Variants in HSPBAP1 observed in about 807,000 individuals in gnomAD.
HSPBAP1 encodes the protein HSPB1-associated protein 1.
A neutral mutation model predicts 45.2 loss-of-function variants in HSPBAP1; 27 were observed. The ratio of observed to expected loss-of-function variants is 0.60; its 90% CI spans 0.44 to 0.82. HSPBAP1 has a LOEUF of 0.82. Ranked by LOEUF, HSPBAP1 falls within the 40% of genes least tolerant of loss-of-function variation. The pLI, the probability that HSPBAP1 is intolerant of heterozygous loss-of-function variation, is 0.00. For synonymous variants in HSPBAP1, 204 were observed against 202.7 expected, an observed-to-expected ratio of 1.01 and a Z score of -0.06; for missense variants, 510 against 590.9, an observed-to-expected ratio of 0.86 and a Z score of 1.42.
At position 122,759,261 on chromosome 3, in the gene HSPBAP1, A is replaced by C. The variant is rs1383363960; in HGVS notation, c.532T>G (p.Ser178Ala). 6.2e-7 allele frequency: 1 copy of C among 1,613,660 alleles called. No homozygotes were observed. Among genetic ancestry groups the C allele is most frequent in the African/African-American group, 1.3e-5 (1 of 74,876 alleles). Residue 178 changes from serine (S) to alanine (A), a missense_variant, in exon 4 of 8, where the codon TCC (serine) becomes GCC (alanine). Transcript: ENST00000306103. Reference protein sequence around the residue: ...LGAHTPCHLDSYGCNLVFQVQ... With the variant: ...LGAHTPCHLDAYGCNLVFQVQ... ...TGGAATACCAAGTTACAACCATAGG[A>C]GTCCAGATGACAGGGTGTGTGGGCT...
In HSPBAP1 at chr3:122,773,108, C is replaced by T. The variant is rs569616820; in HGVS notation, c.251-4226G>A. 3.4e-4 allele frequency among the ~76,000 whole-genome samples: 52 copies of T among 152,068 alleles called. 1 individual carries two copies. The South Asian group carries it at 0.011, about 32-fold the overall frequency. ...TCAAGTGATGCTTCTGTCTAGGCCTCCTACAGTGCTGGGATTTTAGGTGTG... is the reference window on the plus strand; with the variant it reads ...TCAAGTGATGCTTCTGTCTAGGCCTTCTACAGTGCTGGGATTTTAGGTGTG... On this transcript the variant is annotated intron_variant, in intron 2 of 7. Coordinates refer to ENST00000306103, the MANE Select transcript of HSPBAP1 (RefSeq NM_024610.6).
At chr3:122,775,913 A>G (rs919654820) in intron 2 of HSPBAP1, among the ~76,000 whole-genome samples, 3 of 152,256 alleles carry the variant, frequency 2.0e-5, no homozygotes, top group African/African-American at 7.2e-5. Flanking sequence ...ATATTTGTAC[A>G]ACAAAATATT....
At chr3:122,752,890 T>C in intron 5 of HSPBAP1, 2 of 1,295,802 alleles carry the variant, frequency 1.5e-6, no homozygotes, top group Non-Finnish European at 2.0e-6. Context: ...CAAAGGATAC[T>C]GCCAGCATCT....
At chr3:122,778,206 GTTTT>G (rs71136591) in intron 1 of HSPBAP1, among the ~76,000 whole-genome samples, 4 of 77,542 alleles carry the variant, frequency 5.2e-5, no homozygotes, top group Admixed American at 1.2e-4. Context: ...TCAACAGGTA[GTTTT>G]TTTTGTTGTT....
intron 6 of HSPBAP1, among the ~76,000 whole-genome samples, chr3:122,746,985 C>T (rs1378881090): frequency 2.6e-5 from 4 of 151,202 alleles, no homozygotes; most frequent in African/African-American, 2.4e-5. Context: ...AGTGCAGTGG[C>T]GTGATCTCGG....
At chr3:122,779,034 CTTTT>C (rs201429620) in intron 1 of HSPBAP1, among the ~76,000 whole-genome samples, 4 of 147,750 alleles carry the variant, frequency 2.7e-5, no homozygotes, top group Admixed American at 6.8e-5. Context: ...CATTTTCTTT[CTTTT>C]TCTTTTTTTT....
At chr3:122,749,853 G>A (rs1011054353) in intron 6 of HSPBAP1, among the ~76,000 whole-genome samples, 5 of 151,482 alleles carry the variant, frequency 3.3e-5, no homozygotes, top group African/African-American at 1.2e-4. Context: ...CATGTGATCT[G>A]CCCGCCTCGG....
intron 1 of HSPBAP1, among the ~76,000 whole-genome samples, chr3:122,778,127 T>C (rs181253524): frequency 2.9e-4 from 44 of 152,122 alleles, no homozygotes; most frequent in Admixed American, 1.0e-3. Flanking sequence ...GTTTGTTACA[T>C]GGGTATATTG....
chr3:122,747,508 G>A (rs1040450580), intron 6 of HSPBAP1, among the ~76,000 whole-genome samples: 5 of 150,268 alleles, frequency 3.3e-5, no homozygotes, highest in South Asian at 2.1e-4. Context: ...CCCCCCTCCC[G>A]GCCAGCCGCC....
intron 6 of HSPBAP1, among the ~76,000 whole-genome samples, chr3:122,750,515 ATATCTATCTATCTATC>A (rs9289203): frequency 6.7e-6 from 1 of 149,038 alleles, no homozygotes; most frequent in African/African-American, 2.5e-5. Context: ...AAATACATCA[ATATCTATCTATCTATC>A]TATCTATCTA....
chr3:122,750,315 G>C (rs1364856091), intron 6 of HSPBAP1, among the ~76,000 whole-genome samples: 1 of 152,102 alleles, frequency 6.6e-6, no homozygotes, highest in African/African-American at 2.4e-5. Flanking sequence ...AGTGTTAAGA[G>C]AAGAGATAAA....
At chr3:122,744,718 C>T (rs1933784723) in intron 6 of HSPBAP1, among the ~76,000 whole-genome samples, 1 of 152,150 alleles carries the variant, frequency 6.6e-6, no homozygotes, top group African/African-American at 2.4e-5. Flanking sequence ...GAAAATTATA[C>T]AAAAGATGAC....
chr3:122,766,079 C>A (rs1038568902), intron 3 of HSPBAP1, among the ~76,000 whole-genome samples: 1 of 152,220 alleles, frequency 6.6e-6, no homozygotes, highest in African/African-American at 2.4e-5. Context: ...GAGAATCCAG[C>A]TGTCTTCTTA....
intron 4 of HSPBAP1, among the ~76,000 whole-genome samples, chr3:122,755,673 A>G (rs1934329435): frequency 6.6e-6 from 1 of 150,758 alleles, no homozygotes; most frequent in African/African-American, 2.4e-5. Context: ...GACATCCATG[A>G]GGCAGCCTCT....
chr3:122,768,003 A>C (rs935413619), intron 3 of HSPBAP1, among the ~76,000 whole-genome samples: 12 of 152,144 alleles, frequency 7.9e-5, no homozygotes, highest in African/African-American at 2.9e-4. Flanking sequence ...CCTGCCCCAC[A>C]CCTAAGACAC....
At chr3:122,758,932 T>TG (rs1934454911) in intron 4 of HSPBAP1, 1 of 373,582 alleles carries the variant, frequency 2.7e-6, no homozygotes, top group Non-Finnish European at 5.2e-6. Flanking sequence ...AGCAGAGAGC[T>TG]GTCTAGCTGA....
chr3:122,780,555 G>A (rs1190507379), intron 1 of HSPBAP1, among the ~76,000 whole-genome samples: 1 of 137,722 alleles, frequency 7.3e-6, no homozygotes, highest in Non-Finnish European at 1.5e-5. Context: ...CGGACGGGGG[G>A]CTGAACCCCC....
At chr3:122,793,558 C>T in intron 1 of HSPBAP1, 59 bp downstream of exon 1, 1 of 1,524,404 alleles carries the variant, frequency 6.6e-7, no homozygotes, top group Non-Finnish European at 9.1e-7. Context: ...CGAGGGGTGC[C>T]ACGAGAGTCA....
At chr3:122,741,368 A>G in intron 6 of HSPBAP1, 1 of 409,896 alleles carries the variant, frequency 2.4e-6, no homozygotes, top group Non-Finnish European at 4.3e-6. Flanking sequence ...AGTATGAATC[A>G]CCTTATGATA....
Sources: allele counts gnomAD v4.1 joint callset (sites outside exome capture counted in the v4.1 genomes callset), GRCh38; gene constraint gnomAD v4.1.1; transcripts MANE v1.5; gene names NCBI Gene and HGNC (gene_info 2026-07-23, HGNC 2026-07-21).